Variants in OR2L13 observed in about 807,000 individuals in gnomAD.
The protein encoded by OR2L13 is olfactory receptor family 2 subfamily L member 13.
A neutral mutation model predicts 15.3 loss-of-function variants in OR2L13; 14 were observed. The observed-to-expected ratio is 0.91, with a 90% CI of 0.60 to 1.43. The LOEUF (loss-of-function observed/expected upper bound fraction) is 1.43, where lower values mean the gene tolerates loss of function less well. Ranked by LOEUF, OR2L13 falls within the 40% of genes most tolerant of loss-of-function variation. The pLI is 0.00. For synonymous variants in OR2L13, 152 were observed against 142.9 expected (o/e 1.06, Z -0.45); for missense variants, 367 against 387.9 (o/e 0.95, Z 0.45).
the OR2L13 span, among the ~76,000 whole-genome samples, chr1:247,962,309 G>T: frequency 3.3e-5 from 5 of 152,276 alleles, no homozygotes; most frequent in South Asian, 6.2e-4. Context: ...CCAGGGATCA[G>T]ATGCTAACTA....
the OR2L13 span, among the ~76,000 whole-genome samples, chr1:247,966,565 C>G: frequency 6.6e-6 from 1 of 152,166 alleles, no homozygotes; most frequent in East Asian, 1.9e-4. Flanking sequence ...TCTACTTAAA[C>G]ATTTAACCTC....
At chr1:248,062,584 G>A in the OR2L13 span, 1 of 152,174 alleles carries the variant, frequency 6.6e-6, no homozygotes, top group Non-Finnish European at 1.5e-5. Context: ...GTACAGGGGA[G>A]GGACGATAAA....
chr1:247,979,309 T>C, the OR2L13 span, among the ~76,000 whole-genome samples: 5,887 of 152,094 alleles, frequency 0.039, 348 homozygotes, highest in African/African-American at 0.13. Context: ...TATCCCTCCC[T>C]CAGGCCACCA....
chr1:247,961,140 G>C, the OR2L13 span, among the ~76,000 whole-genome samples: 13 of 152,244 alleles, frequency 8.5e-5, no homozygotes, highest in African/African-American at 2.9e-4. Context: ...AAATCGGGTG[G>C]CTCATAAATT....
exon 3 of OR2L13, chr1:248,100,255 AAGG>A (rs765814993): frequency 6.2e-7 from 1 of 1,613,536 alleles, no homozygotes; most frequent in South Asian, 1.1e-5. Flanking sequence ...CCTGAGGAAT[AAGG>A]AAGTCCTGGG....
At chr1:248,061,419 A>G in the OR2L13 span, 2 of 1,613,978 alleles carry the variant, frequency 1.2e-6, no homozygotes, top group Non-Finnish European at 1.7e-6. Flanking sequence ...ACCTCACTGT[A>G]GTAACTTTCT....
chr1:247,984,225 A>G, the OR2L13 span, among the ~76,000 whole-genome samples: 1 of 133,802 alleles, frequency 7.5e-6, no homozygotes, highest in Non-Finnish European at 1.5e-5. Flanking sequence ...AGGAGAAAAT[A>G]AGTCATTATT....
chr1:247,965,134 T>C, the OR2L13 span: 13 of 454,790 alleles, frequency 2.9e-5, no homozygotes, highest in African/African-American at 4.1e-5. Context: ...ATATAATCTG[T>C]CTATACATTA....
At chr1:248,081,214 A>G in the OR2L13 span, among the ~76,000 whole-genome samples, 1 of 152,178 alleles carries the variant, frequency 6.6e-6, no homozygotes, top group Non-Finnish European at 1.5e-5. Context: ...AAATGCAATA[A>G]GAAATGAACA....
chr1:248,065,538 C>G, the OR2L13 span, among the ~76,000 whole-genome samples: 1 of 150,964 alleles, frequency 6.6e-6, no homozygotes, highest in Non-Finnish European at 1.5e-5. Context: ...CACCCACTAA[C>G]TCGTCATCTA....
the OR2L13 span, among the ~76,000 whole-genome samples, chr1:248,068,179 G>C: frequency 1.8e-4 from 28 of 152,166 alleles, no homozygotes; most frequent in African/African-American, 4.3e-4. Flanking sequence ...ATCTGAGAAA[G>C]GGCAGACTGC....
the OR2L13 span, among the ~76,000 whole-genome samples, chr1:247,999,376 T>C: frequency 6.6e-6 from 1 of 152,144 alleles, no homozygotes; most frequent in Non-Finnish European, 1.5e-5. Flanking sequence ...CTGTGAGAGC[T>C]GATGCACTAT....
At chr1:248,044,639 T>C in the OR2L13 span, among the ~76,000 whole-genome samples, 1 of 111,622 alleles carries the variant, frequency 9.0e-6, no homozygotes, top group Non-Finnish European at 1.6e-5. Flanking sequence ...CCGTCTCTAC[T>C]AAAAATACAA....
At chr1:248,068,974 T>C in the OR2L13 span, among the ~76,000 whole-genome samples, 3 of 152,088 alleles carry the variant, frequency 2.0e-5, no homozygotes, top group African/African-American at 7.2e-5. Flanking sequence ...TGGGACTATG[T>C]GAAAAGACCA....
the OR2L13 span, among the ~76,000 whole-genome samples, chr1:248,037,677 T>C: frequency 6.6e-6 from 1 of 152,050 alleles, no homozygotes; most frequent in Non-Finnish European, 1.5e-5. Flanking sequence ...TTCACAGCCT[T>C]ACTAAACTAA....
chr1:247,944,164 T>G, the OR2L13 span, among the ~76,000 whole-genome samples: 114 of 152,260 alleles, frequency 7.5e-4, no homozygotes, highest in Non-Finnish European at 1.3e-3. Flanking sequence ...TTTTGAATAT[T>G]GAGGATCCTT....
At chr1:247,973,054 A>G in the OR2L13 span, among the ~76,000 whole-genome samples, 1 of 152,208 alleles carries the variant, frequency 6.6e-6, no homozygotes, top group African/African-American at 2.4e-5. Flanking sequence ...GATGCAGGAA[A>G]GGCTTTCAAT....
chr1:248,054,501 A>G, the OR2L13 span, among the ~76,000 whole-genome samples: 1 of 152,104 alleles, frequency 6.6e-6, no homozygotes, highest in South Asian at 2.1e-4. Context: ...TATTTATTGG[A>G]ATAGCATTGT....
At chr1:248,052,724 C>G in the OR2L13 span, among the ~76,000 whole-genome samples, 1 of 151,762 alleles carries the variant, frequency 6.6e-6, no homozygotes, top group African/African-American at 2.4e-5. Flanking sequence ...GAGTGAGACT[C>G]CATCTCAAAA....
Sources: allele counts gnomAD v4.1 joint callset (sites outside exome capture counted in the v4.1 genomes callset), GRCh38; gene constraint gnomAD v4.1.1; transcripts MANE v1.5; gene names NCBI Gene and HGNC (gene_info 2026-07-23, HGNC 2026-07-21).